The following NAALADL2 variants were observed in gnomAD, a reference collection of about 807,000 sequenced individuals.
The protein encoded by NAALADL2 is inactive N-acetylated-alpha-linked acidic dipeptidase-like protein 2.
NAALADL2 carries 76 observed loss-of-function variants against 87.2 expected under a neutral mutation model. The ratio of observed to expected loss-of-function variants is 0.87; its 90% CI spans 0.72 to 1.05. The LOEUF is 1.05. NAALADL2 is among the 50% of genes least tolerant of loss of function. NAALADL2 has a pLI of 0.00. For synonymous variants in NAALADL2, 354 were observed against 331.0 expected, an observed-to-expected ratio of 1.07 and a Z score of -0.75; for missense variants, 1,089 against 945.8, an observed-to-expected ratio of 1.15 and a Z score of -1.99.
intron 9 of NAALADL2, among the ~76,000 whole-genome samples, chr3:175,544,328 T>A (rs1361751296): frequency 1.3e-5 from 2 of 152,190 alleles, no homozygotes; most frequent in Non-Finnish European, 2.9e-5. Context: ...CAAACAGTAA[T>A]GTTAATTTAT....
At chr3:174,942,085 A>G (rs930635765) in intron 1 of NAALADL2, among the ~76,000 whole-genome samples, 17 of 152,100 alleles carry the variant, frequency 1.1e-4, no homozygotes, top group African/African-American at 3.6e-4. Flanking sequence ...GGGTTGCTTT[A>G]TAGTGACAAT....
At chr3:174,950,073 G>A (rs1579682606) in intron 1 of NAALADL2, among the ~76,000 whole-genome samples, 1 of 152,130 alleles carries the variant, frequency 6.6e-6, no homozygotes, top group African/African-American at 2.4e-5. Context: ...TATTTTTAAA[G>A]GAGTACAAAA....
At chr3:174,725,364 C>A (rs886869650) in intron 2 of NAALADL2, among the ~76,000 whole-genome samples, 1 of 152,028 alleles carries the variant, frequency 6.6e-6, no homozygotes, top group Non-Finnish European at 1.5e-5. Context: ...AATTAGAAAC[C>A]ATCCCACTTT....
chr3:175,655,082 C>T (rs1158350550), intron 11 of NAALADL2, among the ~76,000 whole-genome samples: 3 of 152,036 alleles, frequency 2.0e-5, no homozygotes, highest in African/African-American at 7.2e-5. Flanking sequence ...GTATGAATTA[C>T]AGTTAATTTG....
chr3:175,285,232 A>G lies in NAALADL2; in HGVS notation c.939+28702A>G, dbSNP rs941740784. 6.6e-5 allele frequency among the ~76,000 whole-genome samples: 10 copies of G among 152,252 alleles called. No homozygotes were observed. In the East Asian group the frequency reaches 1.7e-3, roughly 26 times the overall value. On this transcript the variant is annotated intron_variant, in intron 4 of 13. Coordinates refer to ENST00000454872, the MANE Select transcript of NAALADL2 (RefSeq NM_207015.3). Reference sequence around the variant, plus strand: ...TTAGTTACTCACTAGTCAATAGGAGAATTTTCCCCAGAAATATTGGTTACT... The same window carrying G: ...TTAGTTACTCACTAGTCAATAGGAGGATTTTCCCCAGAAATATTGGTTACT...
At chr3:174,600,680 A>G (rs190348346) in intron 2 of NAALADL2, among the ~76,000 whole-genome samples, 1 of 152,260 alleles carries the variant, frequency 6.6e-6, no homozygotes, top group African/African-American at 2.4e-5. Flanking sequence ...TACAGGAACT[A>G]TGGCTGGGGA....
chr3:175,182,755 C>G (rs908639180), intron 2 of NAALADL2, among the ~76,000 whole-genome samples: 1 of 151,578 alleles, frequency 6.6e-6, no homozygotes, highest in Non-Finnish European at 1.5e-5. Context: ...TACCATTTGT[C>G]TATTTTTGCT....
intron 3 of NAALADL2, among the ~76,000 whole-genome samples, chr3:175,248,067 A>C (rs549951356): frequency 5.3e-5 from 8 of 152,142 alleles, no homozygotes; most frequent in Admixed American, 2.0e-4. Flanking sequence ...TTTACCTTCT[A>C]CTGCCTTCTC....
At chr3:174,613,418 G>A (rs1402635242) in intron 2 of NAALADL2, among the ~76,000 whole-genome samples, 1 of 145,944 alleles carries the variant, frequency 6.9e-6, no homozygotes, top group Non-Finnish European at 1.5e-5. Flanking sequence ...AGGAGTCAGG[G>A]ACTAGAGTAA....
chr3:174,891,224 TTGGCATGTTAGAATAC>T (rs1730833895), intron 1 of NAALADL2, among the ~76,000 whole-genome samples: 1 of 152,068 alleles, frequency 6.6e-6, no homozygotes, highest in Non-Finnish European at 1.5e-5. Flanking sequence ...TAAAATATTT[TTGGCATGTTAGAATAC>T]ACTCTAAGGT....
At chr3:175,631,773 T>C (rs1278629064) in intron 11 of NAALADL2, among the ~76,000 whole-genome samples, 1 of 151,996 alleles carries the variant, frequency 6.6e-6, no homozygotes, top group East Asian at 1.9e-4. Flanking sequence ...TAATGAGTGA[T>C]TAAAAATGGC....
intron 1 of NAALADL2, among the ~76,000 whole-genome samples, chr3:174,990,907 A>G (rs183139780): frequency 6.6e-6 from 1 of 152,260 alleles, no homozygotes; most frequent in East Asian, 1.9e-4. Context: ...GCACTCCCCT[A>G]GAGCTTTGTT....
intron 1 of NAALADL2, among the ~76,000 whole-genome samples, chr3:174,486,824 C>T (rs371361085): frequency 9.9e-5 from 15 of 151,894 alleles, no homozygotes; most frequent in African/African-American, 2.7e-4. Context: ...ATTAGATGTT[C>T]TGTCCATATA....
intron 13 of NAALADL2, among the ~76,000 whole-genome samples, chr3:175,787,639 A>G (rs1014742081): frequency 3.9e-5 from 6 of 151,934 alleles, no homozygotes; most frequent in Non-Finnish European, 8.8e-5. Flanking sequence ...TGAACCCGGT[A>G]CCTCAGATGG....
chr3:174,728,560 T>G (rs370847529), intron 2 of NAALADL2, among the ~76,000 whole-genome samples: 6 of 152,080 alleles, frequency 3.9e-5, no homozygotes, highest in Admixed American at 2.0e-4. Context: ...TGAACCCAGA[T>G]AGTCTCTCAC....
intron 5 of NAALADL2, among the ~76,000 whole-genome samples, chr3:175,396,358 G>A (rs960911614): frequency 6.6e-6 from 1 of 152,036 alleles, no homozygotes; most frequent in South Asian, 2.1e-4. Flanking sequence ...TATTAAAAAT[G>A]CCAAGATTTT....
At chr3:174,668,879 CAT>C (rs1381296055) in intron 2 of NAALADL2, among the ~76,000 whole-genome samples, 7 of 152,204 alleles carry the variant, frequency 4.6e-5, no homozygotes, top group South Asian at 2.1e-4. Flanking sequence ...CCGCAATAAA[CAT>C]GTGTGCATGT....
intron 1 of NAALADL2, among the ~76,000 whole-genome samples, chr3:174,881,636 C>G (rs567246700): frequency 6.6e-6 from 1 of 152,222 alleles, no homozygotes; most frequent in African/African-American, 2.4e-5. Context: ...TTGTCTTTGT[C>G]TATCCAACTT....
At chr3:175,581,407 A>G (rs1560795119) in intron 10 of NAALADL2, among the ~76,000 whole-genome samples, 1 of 152,202 alleles carries the variant, frequency 6.6e-6, no homozygotes, top group Non-Finnish European at 1.5e-5. Context: ...GCGCCACTGC[A>G]CTCCAGCCTG....
Sources: allele counts gnomAD v4.1 joint callset (sites outside exome capture counted in the v4.1 genomes callset), GRCh38; gene constraint gnomAD v4.1.1; transcripts MANE v1.5; gene names NCBI Gene and HGNC (gene_info 2026-07-23, HGNC 2026-07-21).